MIA3: variants seen among roughly 807,000 people sequenced by gnomAD.
MIA3 encodes transport and Golgi organization protein 1 homolog.
In MIA3, 90 loss-of-function variants were observed where a neutral mutation model predicts 192.4. That is an observed-to-expected ratio of 0.47 (90% confidence interval 0.39 to 0.56). MIA3 has a LOEUF of 0.56. Ranked by LOEUF, MIA3 falls within the 20% of genes least tolerant of loss-of-function variation. The pLI, the probability that MIA3 is intolerant of heterozygous loss-of-function variation, is 0.00. For synonymous variants in MIA3, 740 were observed against 792.8 expected, an observed-to-expected ratio of 0.93 and a Z score of 1.12; for missense variants, 2,123 against 2,269.4, an observed-to-expected ratio of 0.94 and a Z score of 1.31.
chr1:222,649,080 A>G (rs974611395), intron 8 of MIA3, among the ~76,000 whole-genome samples: 3 of 152,224 alleles, frequency 2.0e-5, no homozygotes, highest in Non-Finnish European at 2.9e-5. Flanking sequence ...GAAGATCATT[A>G]ATTTGGGGCA....
Position 222,627,702 on chromosome 1 carries a change from C to T in MIA3, c.482C>T (p.Thr161Ile), listed in dbSNP as rs765176987. 16 of 1,613,718 alleles carry T rather than the reference C, an allele frequency of 9.9e-6. No individual in the cohort carries two copies. In the African/African-American group the frequency reaches 1.2e-4, roughly 12 times the overall value. The change falls in exon 4 of 28, where the codon ACT (threonine) becomes ATT (isoleucine). Residue 161 changes from threonine to isoleucine, a missense_variant. Physicochemically the swap from Thr to Ile is moderately conservative, Grantham distance 89. Transcript: ENST00000344922. ...GATTCTGAGAAAGCTGTAGAAAAAACTTTACAGGATATGGAAAAAAACCCT... is the reference window on the plus strand; with the variant it reads ...GATTCTGAGAAAGCTGTAGAAAAAATTTTACAGGATATGGAAAAAAACCCT... ...ATDSEKAVEK[T>I]LQDMEKNPEL...
chr1:222,624,884 G>A lies in MIA3; in HGVS notation c.354+30G>A, dbSNP rs1202350591. The A allele has an allele frequency of 3.8e-6, 5 of 1,323,980 alleles. No individual in the cohort carries two copies. The South Asian group carries it at 6.2e-5, about 16-fold the overall frequency. 82.0% of individuals were successfully genotyped at this position (1,323,980 alleles called of 1,614,324 possible). On this transcript the variant is annotated intron_variant, in intron 3 of 27. Transcript: ENST00000344922. The stretch of plus-strand genomic sequence containing the variant: ...GTTGTGGATTTCTGTCTTGTTCTCA[G>A]TTATAAGTTGGCTTATAAGTGACTA...
At chr1:222,624,627 T>C in intron 2 of MIA3, 141 bp from the exon 3 acceptor site, 1 of 569,786 alleles carries the variant, frequency 1.8e-6, no homozygotes, top group Middle Eastern at 3.7e-4. Context: ...TGGTCTCAAA[T>C]AGCGGAGAAA....
rs1449169906 is a variant in MIA3 at position 222,618,127 on chromosome 1, G to C, written c.17G>C (p.Gly6Ala). Residue 6 changes from glycine to alanine, a missense_variant, in exon 1 of 28, where the codon GGG (glycine) becomes GCG (alanine). By Grantham distance (60) the Gly-to-Ala change is moderately conservative (BLOSUM62 0). This residue lies in a region of MIA3 where 1,357 missense variants were observed against 1,396.1 expected (regional missense o/e 0.97). Transcript: ENST00000344922. ...GACCACAACATGGCTGCGGCGCCTGGGCTGCTCGTCTGGCTGCTCGTGCTC... is the reference window on the plus strand; with the variant it reads ...GACCACAACATGGCTGCGGCGCCTGCGCTGCTCGTCTGGCTGCTCGTGCTC... The part of the protein sequence containing the change: MAAAP[G>A]LLVWLLVLRL... The C allele has an allele frequency of 2.0e-6, 3 of 1,502,054 alleles. No individual in the cohort carries two copies. The highest frequency in any genetic ancestry group is 2.7e-6 in the Non-Finnish European group (3 of 1,129,228). 93.0% of individuals were successfully genotyped at this position (1,502,054 alleles called of 1,614,324 possible).
At chr1:222,643,014 T>A (rs35626308) in intron 6 of MIA3, among the ~76,000 whole-genome samples, 86,415 of 152,036 alleles carry the variant, frequency 0.57, 27,785 homozygotes, top group Non-Finnish European at 0.72. Context: ...ATTTTGCAAT[T>A]TTTTTGGATG....
intron 6 of MIA3, chr1:222,644,721 C>A: frequency 1.0e-6 from 1 of 964,542 alleles, no homozygotes; most frequent in Non-Finnish European, 1.6e-6. Context: ...CAAGACGTTT[C>A]TATGCTGTTT....
At position 222,660,259 on chromosome 1, in the gene MIA3, C is replaced by T. The variant is rs3002153; in HGVS notation, c.5058C>T (p.Pro1686=). ...CCCCTCCATTGACAGTGGAGCCACC[C>T]GTGAGACCTCTCTCTGCTACTCTCA... ...ECSPPLTVEP[P]VRPLSATLNR... is the part of the protein sequence containing the mutation. The change falls in exon 24 of 28, where the codon CCC becomes CCT. Residue 1686 remains proline, a synonymous_variant. Transcript: ENST00000344922. The T allele has an allele frequency of 1.2e-3, 1,963 of 1,613,868 alleles. 19 individuals are homozygous for T. The African/African-American group carries it at 0.019, about 16-fold the overall frequency.
chr1:222,622,295 T>G (rs1661907382), intron 2 of MIA3, among the ~76,000 whole-genome samples: 1 of 152,186 alleles, frequency 6.6e-6, no homozygotes, highest in South Asian at 2.1e-4. Flanking sequence ...GTGACCTGAT[T>G]GAGAGGCCTG....
In MIA3 at chr1:222,628,430, G is replaced by C; in HGVS notation, c.1210G>C (p.Glu404Gln). The C allele has an allele frequency of 6.2e-7, 1 of 1,613,788 alleles. No homozygotes were observed. Among genetic ancestry groups the C allele is most frequent in the Non-Finnish European group, 8.5e-7 (1 of 1,179,940 alleles). Residue 404 changes from glutamate (E) to glutamine (Q), a missense_variant, in exon 4 of 28, where the codon GAG (glutamate) becomes CAG (glutamine). Glu to Gln is a conservative substitution (Grantham distance 29). Around this residue, in one of 3 missense-constraint regions of MIA3, gnomAD observed 1,357 missense variants for 1,396.1 expected, o/e 0.97. Transcript: ENST00000344922. The stretch of plus-strand genomic sequence containing the variant: ...AGAAACAAGAGATACGATGGATTTA[G>C]AGAGCTCTAGTTCAGAGGAAGAAAA... ...GEETRDTMDL[E>Q]SSSSEEEKED...
At position 222,633,220 on chromosome 1, in the gene MIA3, T is replaced by A. The variant is rs776751579; in HGVS notation, c.3448T>A (p.Tyr1150Asn). 2.5e-6 allele frequency: 4 copies of A among 1,610,224 alleles called. No individual in the cohort carries two copies. In the South Asian group the frequency reaches 4.5e-5, roughly 18 times the overall value. The part of the protein sequence containing the change: ...TPLENAILLI[Y>N]SFMFYLTKSL... ...TTTGGAAAACGCAATCCTTCTAATA[T>A]ATTCATTCATGTTTTATTTAACTAA... Residue 1150 changes from tyrosine to asparagine, a missense_variant, in exon 6 of 28, where the codon TAT becomes AAT. Transcript: ENST00000344922.
intron 6 of MIA3, among the ~76,000 whole-genome samples, chr1:222,639,542 G>C (rs972636979): frequency 6.6e-6 from 1 of 152,058 alleles, no homozygotes; most frequent in African/African-American, 2.4e-5. Context: ...AATACTCTAT[G>C]ACCAAATAGG....
At chr1:222,650,406 T>A in intron 9 of MIA3, 26 bp downstream of exon 9, 1 of 1,272,124 alleles carries the variant, frequency 7.9e-7, no homozygotes. Context: ...GTTTTTTTTT[T>A]TTTTCATGGT....
At chr1:222,632,569 A>G (rs1662447266) in intron 5 of MIA3, among the ~76,000 whole-genome samples, 1 of 152,202 alleles carries the variant, frequency 6.6e-6, no homozygotes, top group African/African-American at 2.4e-5. Flanking sequence ...AATTATTTCA[A>G]TCTAAAATAT....
At position 222,666,704 on chromosome 1, in the gene MIA3, G is replaced by GGGT; in HGVS notation, c.*1087_*1088insTGG. On this transcript the variant is annotated 3_prime_UTR_variant, in exon 28 of 28. Transcript: ENST00000344922. ...TCAGTTCTGTTTTAGGGGGAAATGG[G>GGGT]GGCGACAGATATTATTCCAAAATTA... The GGGT allele has an allele frequency of 6.9e-6, 1 of 145,006 alleles. No individual in the cohort carries two copies. The highest frequency in any genetic ancestry group is 1.5e-5 in the Non-Finnish European group (1 of 66,216). The allele number at this position is 145,006 out of a possible 1,614,324, so 9.0% of individuals were successfully genotyped here.
rs2124906758 is a variant in MIA3, at chr1:222,651,861, A to T, written c.3910-116A>T. On this transcript the variant is annotated intron_variant, in intron 11 of 27. Transcript: ENST00000344922. The stretch of plus-strand genomic sequence containing the variant: ...AAACTGAAACACCTGCTTTTACCTG[A>T]AACATAGGGGATGGCTCTGGGACAT... 3 of 708,744 alleles carry T rather than the reference A, an allele frequency of 4.2e-6. No individual in the cohort carries two copies. The Middle Eastern group carries it at 9.8e-4, about 233-fold the overall frequency. 43.9% of individuals were successfully genotyped at this position (708,744 alleles called of 1,614,324 possible).
intron 1 of MIA3, among the ~76,000 whole-genome samples, chr1:222,618,723 G>T (rs1661726291): frequency 6.6e-6 from 1 of 152,136 alleles, no homozygotes; most frequent in Non-Finnish European, 1.5e-5. Context: ...CGGCAGATGC[G>T]CTAAGGGCTC....
At position 222,653,129 on chromosome 1, in the gene MIA3, A is replaced by C. The variant is rs201208677; in HGVS notation, c.4208A>C (p.Asn1403Thr). The change falls in exon 14 of 28, where the codon AAT becomes ACT. Residue 1403 changes from asparagine to threonine, a missense_variant and splice_region_variant. By Grantham distance (65) the Asn-to-Thr change is moderately conservative (BLOSUM62 0). Coordinates refer to ENST00000344922, the MANE Select transcript of MIA3 (RefSeq NM_198551.4). ...VALTHKDDNINALTNCITQLN... is the reference protein window; with the variant it reads ...VALTHKDDNITALTNCITQLN... ...CTTACTCACAAGGATGATAATATTA[A>C]TGTAAGTGCGTTCATGAATACAAGC... is the stretch of plus-strand genomic sequence containing the variant. 4 of 1,606,896 alleles carry C rather than the reference A, an allele frequency of 2.5e-6. No homozygotes were observed. In the East Asian group the frequency reaches 8.9e-5, roughly 36 times the overall value.
At chr1:222,646,663 A>G (rs533130311) in intron 7 of MIA3, among the ~76,000 whole-genome samples, 1 of 152,184 alleles carries the variant, frequency 6.6e-6, no homozygotes, top group South Asian at 2.1e-4. Context: ...GAGGCAGGAG[A>G]ATCGCTTGAA....
chr1:222,621,117 T>G, intron 1 of MIA3, 42 bp from the exon 2 acceptor site: 1 of 1,544,006 alleles, frequency 6.5e-7, no homozygotes, highest in African/African-American at 1.4e-5. Flanking sequence ...GAACACTGAA[T>G]CCTGATATCT....
Sources: allele counts gnomAD v4.1 joint callset (sites outside exome capture counted in the v4.1 genomes callset), GRCh38; gene constraint gnomAD v4.1.1; regional missense constraint gnomAD v4.1.1; transcripts MANE v1.5; gene names NCBI Gene and HGNC (gene_info 2026-07-23, HGNC 2026-07-21).